Variants in NPAS2 observed in about 807,000 individuals in gnomAD.
NPAS2 encodes the protein neuronal PAS domain-containing protein 2.
A neutral mutation model predicts 107.5 loss-of-function variants in NPAS2; 23 were observed. The ratio of observed to expected loss-of-function variants is 0.21; its 90% CI spans 0.15 to 0.30. The LOEUF is 0.30. Ranked by LOEUF, NPAS2 falls within the 10% of genes least tolerant of loss-of-function variation. The probability of loss-of-function intolerance (pLI) is 1.00; values close to 1 mark genes in which losing one functional copy is unlikely to be tolerated. For synonymous variants in NPAS2, 403 were observed against 417.5 expected (o/e 0.97, Z 0.42); for missense variants, 756 against 1,043.3 (o/e 0.72, Z 3.79).
At chr2:100,958,218 C>T (rs1675697369) in intron 7 of NPAS2, among the ~76,000 whole-genome samples, 1 of 152,184 alleles carries the variant, frequency 6.6e-6, no homozygotes, top group Non-Finnish European at 1.5e-5. Context: ...AACCGCACAA[C>T]CAGATTTGAA....
intron 2 of NPAS2, among the ~76,000 whole-genome samples, chr2:100,905,032 T>C (rs753826183): frequency 1.3e-5 from 2 of 152,226 alleles, no homozygotes; most frequent in African/African-American, 2.4e-5. Context: ...GTTTTTGTCA[T>C]GCTCCTGTGT....
chr2:100,904,875 G>A, intron 2 of NPAS2, 89 bp downstream of exon 2: 2 of 905,036 alleles, frequency 2.2e-6, no homozygotes, highest in Middle Eastern at 2.7e-4. Flanking sequence ...ACTCTGTGCA[G>A]GTGAGGCCAC....
chr2:100,979,778 C>T (rs1334730359), intron 15 of NPAS2, among the ~76,000 whole-genome samples: 4 of 152,112 alleles, frequency 2.6e-5, no homozygotes, highest in African/African-American at 9.7e-5. Flanking sequence ...GATCCGCCCA[C>T]CTCAACCTCC....
intron 1 of NPAS2, among the ~76,000 whole-genome samples, chr2:100,837,523 G>A (rs1233825955): frequency 6.6e-6 from 1 of 152,098 alleles, no homozygotes; most frequent in Non-Finnish European, 1.5e-5. Context: ...ATGTTGGCCA[G>A]GCTGATCTCG....
chr2:100,877,445 C>CAAA (rs72050213), intron 1 of NPAS2, among the ~76,000 whole-genome samples: 142 of 80,304 alleles, frequency 1.8e-3, no homozygotes, highest in Non-Finnish European at 1.9e-3. Flanking sequence ...GACTCCGTCT[C>CAAA]AAAAAAAAAA....
chr2:100,899,171 T>C (rs1420487561), intron 1 of NPAS2, among the ~76,000 whole-genome samples: 2 of 151,766 alleles, frequency 1.3e-5, no homozygotes, highest in Non-Finnish European at 2.9e-5. Flanking sequence ...AAAACGGACG[T>C]TACGTAAAAA....
intron 7 of NPAS2, among the ~76,000 whole-genome samples, chr2:100,955,899 T>TTTTG (rs1019495755): frequency 1.3e-5 from 2 of 151,998 alleles, no homozygotes; most frequent in African/African-American, 2.4e-5. Flanking sequence ...ATTTTCAGTT[T>TTTTG]TTTGTTTGTT....
rs897537233 is a variant in NPAS2 at position 100,878,276 on chromosome 2, C to T, written c.-22-26457C>T. The T allele has an allele frequency of 2.1e-5, 21 of 985,366 alleles. No individual in the cohort carries two copies. In the East Asian group the frequency reaches 1.4e-3, roughly 64 times the overall value. The allele number at this position is 985,366 out of a possible 1,614,324, so 61.0% of individuals were successfully genotyped here. A position where few individuals can be genotyped will look rare whatever the true frequency, so the allele number is the denominator to read the frequency against. On this transcript the variant is annotated intron_variant, in intron 1 of 20. Transcript: ENST00000335681. ...ACTGTCCGAGGAGCTCGGGAGGGAG[C>T]CAGGAGTGAGGCAAGCAGCATTCCC...
chr2:100,834,416 C>G (rs534413066), intron 1 of NPAS2, among the ~76,000 whole-genome samples: 1 of 152,286 alleles, frequency 6.6e-6, no homozygotes, highest in Non-Finnish European at 1.5e-5. Context: ...CAGGGAGAAA[C>G]AAGGACAAGG....
At position 100,919,628 on chromosome 2, in the gene NPAS2, G is replaced by A. The variant is rs184824831; in HGVS notation, c.33-5518G>A. Among the ~76,000 whole-genome samples the A allele has an allele frequency of 5.2e-3, 790 of 152,088 alleles. 8 individuals are homozygous for A. The highest frequency in any genetic ancestry group is 0.018 in the African/African-American group (748 of 41,504). ...AGGACCCATTTCATTTCCTTTCCCT[G>A]TCCCCACTCATCCAAAAGCTCAGAC... On this transcript the variant is annotated intron_variant, in intron 2 of 20. Transcript: ENST00000335681.
At position 100,916,075 on chromosome 2, in the gene NPAS2, A is replaced by G. The variant is rs1200805523; in HGVS notation, c.33-9071A>G. Among the ~76,000 whole-genome samples the G allele has an allele frequency of 2.6e-5, 4 of 152,188 alleles. No individual in the cohort carries two copies. The South Asian group carries it at 6.2e-4, about 24-fold the overall frequency. ...TATTACAGTCCCTAGAATTATTACT[A>G]AAAGTCATACAAAGAAATATGGAGG... On this transcript the variant is annotated intron_variant, in intron 2 of 20. Coordinates refer to ENST00000335681, the MANE Select transcript of NPAS2 (RefSeq NM_002518.4).
At chr2:100,925,744 A>G (rs1683521096) in intron 3 of NPAS2, among the ~76,000 whole-genome samples, 1 of 152,182 alleles carries the variant, frequency 6.6e-6, no homozygotes, top group Admixed American at 6.5e-5. Context: ...GAAAAAATAC[A>G]TTGAAAAGAA....
intron 2 of NPAS2, among the ~76,000 whole-genome samples, chr2:100,918,070 A>ATATT (rs1292392142): frequency 6.6e-6 from 1 of 150,922 alleles, no homozygotes; most frequent in Non-Finnish European, 1.5e-5. Context: ...ATATATATTT[A>ATATT]TATATATTTT....
chr2:100,954,184 G>T (rs994491796), intron 7 of NPAS2, among the ~76,000 whole-genome samples: 2 of 152,172 alleles, frequency 1.3e-5, no homozygotes, highest in South Asian at 4.1e-4. Context: ...TTAAGTCAGG[G>T]GACAGGGACC....
intron 1 of NPAS2, among the ~76,000 whole-genome samples, chr2:100,899,876 G>T (rs1681661452): frequency 6.6e-6 from 1 of 152,096 alleles, no homozygotes. Context: ...TATTCTGGAG[G>T]GATGTCCATA....
At chr2:100,945,177 G>A (rs553631287) in intron 5 of NPAS2, among the ~76,000 whole-genome samples, 11 of 152,250 alleles carry the variant, frequency 7.2e-5, no homozygotes, top group African/African-American at 2.2e-4. Flanking sequence ...ATAAAGACCG[G>A]TGCGTCCGAG....
intron 1 of NPAS2, among the ~76,000 whole-genome samples, chr2:100,885,766 C>G (rs950746891): frequency 4.6e-5 from 7 of 152,178 alleles, no homozygotes; most frequent in African/African-American, 1.4e-4. Context: ...CCTCCCCCAG[C>G]CAGGTTCAAG....
intron 1 of NPAS2, among the ~76,000 whole-genome samples, chr2:100,863,867 TTCTC>T (rs148884504): frequency 6.6e-6 from 1 of 152,032 alleles, no homozygotes; most frequent in African/African-American, 2.4e-5. Context: ...GCAGATCTCC[TTCTC>T]TCTCTCTCAT....
At chr2:100,875,473 CA>C (rs1290417461) in intron 1 of NPAS2, among the ~76,000 whole-genome samples, 1 of 144,058 alleles carries the variant, frequency 6.9e-6, no homozygotes, top group Non-Finnish European at 1.5e-5. Flanking sequence ...CACACACACA[CA>C]CACACACACA....
Sources: gnomAD v4.1 joint callset for allele counts (sites outside exome capture counted in the v4.1 genomes callset) on GRCh38, gnomAD v4.1.1 for gene constraint, MANE v1.5 for transcripts, NCBI Gene and HGNC (gene_info 2026-07-23, HGNC 2026-07-21) for gene names.